ARK2N: variants seen among roughly 807,000 people sequenced by gnomAD.
The protein encoded by ARK2N is arkadia (RNF111) N-terminal like PKA signaling regulator 2N, also known as protein ARK2N.
chr18:46,200,302 T>G, the ARK2N span, among the ~76,000 whole-genome samples: 1 of 151,798 alleles, frequency 6.6e-6, no homozygotes, highest in Admixed American at 6.6e-5. Context: ...TACAGTTTTT[T>G]TGTTTGTTCG....
chr18:46,192,573 C>G, the ARK2N span, among the ~76,000 whole-genome samples: 1 of 149,044 alleles, frequency 6.7e-6, no homozygotes, highest in Non-Finnish European at 1.5e-5. Flanking sequence ...AAGACTCCAT[C>G]TCAATTTTTT....
At chr18:46,247,813 AG>A in the ARK2N span, among the ~76,000 whole-genome samples, 72 of 152,344 alleles carry the variant, frequency 4.7e-4, no homozygotes, top group Non-Finnish European at 8.8e-5. Flanking sequence ...CTGGGACTAC[AG>A]GGGCGTACCA....
At chr18:46,216,732 A>G in the ARK2N span, 4 of 780,552 alleles carry the variant, frequency 5.1e-6, no homozygotes, top group Non-Finnish European at 7.9e-6. This position sits in a 1 kb window ranked among gnomAD's most constrained non-coding sequence, Gnocchi z 4.3. Context: ...CAGTCTATTA[A>G]CAAGACATGG....
chr18:46,214,539 A>T, the ARK2N span, among the ~76,000 whole-genome samples: 231 of 152,326 alleles, frequency 1.5e-3, no homozygotes, highest in Non-Finnish European at 2.9e-3. Context: ...ATGTCATTTC[A>T]CTTAAAGTCT....
chr18:46,214,644 T>C, the ARK2N span, among the ~76,000 whole-genome samples: 1 of 152,238 alleles, frequency 6.6e-6, no homozygotes, highest in African/African-American at 2.4e-5. Flanking sequence ...TGTACCTGTA[T>C]GGTTAATTGG....
chr18:46,259,901 G>GTGTGTGTGTGTGTGTGTGTGTGTGTGTC, the ARK2N span, among the ~76,000 whole-genome samples: 3 of 140,928 alleles, frequency 2.1e-5, no homozygotes, highest in Admixed American at 1.4e-4. Flanking sequence ...GTGTGTGTGC[G>GTGTGTGTGTGTGTGTGTGTGTGTGTGTC]ACAGAGATGG....
At chr18:46,207,229 T>C in the ARK2N span, among the ~76,000 whole-genome samples, 1 of 152,156 alleles carries the variant, frequency 6.6e-6, no homozygotes, top group East Asian at 1.9e-4. Context: ...GAACTATCCA[T>C]TGTGAAGGAC....
the ARK2N span, among the ~76,000 whole-genome samples, chr18:46,224,023 G>C: frequency 1.3e-5 from 2 of 152,124 alleles, no homozygotes; most frequent in Non-Finnish European, 2.9e-5. Context: ...CCAAACCAAA[G>C]ATAATCTAGC....
the ARK2N span, among the ~76,000 whole-genome samples, chr18:46,198,490 T>C: frequency 0.011 from 1,608 of 152,288 alleles, 36 homozygotes; most frequent in African/African-American, 0.036. Context: ...CTTCCTACTT[T>C]TCACAAGTAA....
chr18:46,247,441 C>T, the ARK2N span, among the ~76,000 whole-genome samples: 1 of 152,168 alleles, frequency 6.6e-6, no homozygotes, highest in Admixed American at 6.5e-5. Context: ...TAAGAATTAA[C>T]TAATTCCATC....
the ARK2N span, among the ~76,000 whole-genome samples, chr18:46,245,421 T>C: frequency 6.6e-6 from 1 of 151,712 alleles, no homozygotes; most frequent in Non-Finnish European, 1.5e-5. Context: ...ATACAAAAAT[T>C]AGCTGGGCAC....
At chr18:46,191,575 G>A in the ARK2N span, among the ~76,000 whole-genome samples, 6 of 152,210 alleles carry the variant, frequency 3.9e-5, no homozygotes, top group East Asian at 1.2e-3. Context: ...CCAAATAACA[G>A]TTCTGTGGGT....
the ARK2N span, chr18:46,216,816 T>A: frequency 2.0e-6 from 1 of 500,768 alleles, no homozygotes; most frequent in Non-Finnish European, 3.6e-6. This position sits in a 1 kb window ranked among gnomAD's most constrained non-coding sequence, Gnocchi z 4.3. Context: ...AAAGGGTTAA[T>A]GATAGGGACA....
the ARK2N span, among the ~76,000 whole-genome samples, chr18:46,245,883 G>A: frequency 6.6e-6 from 1 of 151,872 alleles, no homozygotes; most frequent in African/African-American, 2.4e-5. Flanking sequence ...ACCTTTTCTT[G>A]GTAACTTTTT....
At chr18:46,222,466 G>A in the ARK2N span, among the ~76,000 whole-genome samples, 1 of 152,110 alleles carries the variant, frequency 6.6e-6, no homozygotes, top group African/African-American at 2.4e-5. Context: ...TACGCTACAA[G>A]GTCTAGATGA....
chr18:46,244,601 A>ATTTTTT, the ARK2N span, among the ~76,000 whole-genome samples: 11,802 of 93,542 alleles, frequency 0.13, 1,391 homozygotes, highest in East Asian at 0.32. Flanking sequence ...AAGAGTTTAG[A>ATTTTTT]TTTTTTTTTT....
chr18:46,179,042 A>G, the ARK2N span, among the ~76,000 whole-genome samples: 125 of 152,100 alleles, frequency 8.2e-4, no homozygotes, highest in African/African-American at 2.9e-3. Flanking sequence ...TCCTGGGTTC[A>G]AGTGATTCTC....
chr18:46,187,491 G>A, the ARK2N span, among the ~76,000 whole-genome samples: 2 of 151,658 alleles, frequency 1.3e-5, no homozygotes, highest in South Asian at 2.1e-4. Context: ...ACAGGTGCAC[G>A]CCGCCACGCC....
the ARK2N span, among the ~76,000 whole-genome samples, chr18:46,248,834 T>C: frequency 1.3e-5 from 2 of 152,154 alleles, no homozygotes; most frequent in African/African-American, 4.8e-5. Flanking sequence ...CTGCCTGCCT[T>C]GGCCTCCCAA....
Sources: allele counts gnomAD v4.1 joint callset (sites outside exome capture counted in the v4.1 genomes callset), GRCh38; gene constraint gnomAD v4.1.1; non-coding constraint Gnocchi (gnomAD v3.1); transcripts MANE v1.5; gene names NCBI Gene and HGNC (gene_info 2026-07-23, HGNC 2026-07-21).